GANC: variants seen among roughly 807,000 people sequenced by gnomAD.
GANC encodes the protein neutral alpha-glucosidase C.
GANC carries 117 observed loss-of-function variants against 124.2 expected under a neutral mutation model. The observed-to-expected ratio is 0.94, with a 90% confidence interval of 0.81 to 1.10. GANC has a LOEUF of 1.10. Among genes scored for constraint, GANC ranks in the 50% least tolerant of loss-of-function variants. The pLI is 0.00. For missense variants in GANC, 1,140 were observed against 1,095.0 expected, an observed-to-expected ratio of 1.04 and a Z score of -0.58; for synonymous variants, 377 against 376.8, an observed-to-expected ratio of 1.00 and a Z score of -0.01.
At chr15:42,349,695 T>G (rs1433408052) in intron 22 of GANC, among the ~76,000 whole-genome samples, 200 bp downstream of exon 22, 1 of 152,082 alleles carries the variant, frequency 6.6e-6, no homozygotes, top group Non-Finnish European at 1.5e-5. Flanking sequence ...TCGCTCAGAC[T>G]AGAGTGCAGT....
At chr15:42,293,137 C>T (rs1271558890) in intron 5 of GANC, among the ~76,000 whole-genome samples, 1 of 152,176 alleles carries the variant, frequency 6.6e-6, no homozygotes, top group Non-Finnish European at 1.5e-5. Context: ...CTTAACATGT[C>T]CTGTGTGTAA....
chr15:42,288,551 A>G (rs769696776), intron 4 of GANC, among the ~76,000 whole-genome samples: 8 of 152,162 alleles, frequency 5.3e-5, no homozygotes, highest in Non-Finnish European at 1.0e-4. Context: ...TATTTTTTCC[A>G]TGAAAATCTT....
chr15:42,296,249 C>G (rs540412530), intron 5 of GANC, among the ~76,000 whole-genome samples: 1 of 151,616 alleles, frequency 6.6e-6, no homozygotes, highest in South Asian at 2.1e-4. Context: ...TTTGAAATCT[C>G]TTCTGTCTGA....
At position 42,273,626 on chromosome 15, in the gene GANC, A is replaced by G; in HGVS notation, c.-856A>G. 1 of 659,354 alleles carries G rather than the reference A, an allele frequency of 1.5e-6. No homozygotes were observed. The highest frequency in any genetic ancestry group is 2.5e-6 in the Non-Finnish European group (1 of 399,428). 40.8% of individuals were successfully genotyped at this position (659,354 alleles called of 1,614,324 possible). A position where few individuals can be genotyped will look rare whatever the true frequency, so the allele number is the denominator to read the frequency against. The stretch of plus-strand genomic sequence containing the variant: ...GTTGGAACCTGGTCAGCTGGGTTAG[A>G]GAGATCGCTACATGCCAGCCTGGCC... On this transcript the variant is annotated 5_prime_UTR_variant, in exon 1 of 24. Coordinates refer to ENST00000318010, the MANE Select transcript of GANC (RefSeq NM_198141.3).
At position 42,280,378 on chromosome 15, in the gene GANC, C is replaced by T. The variant is rs1403304677; in HGVS notation, c.201+1788C>T. 3.9e-5 allele frequency among the ~76,000 whole-genome samples: 6 copies of T among 152,098 alleles called. No individual in the cohort carries two copies. In the East Asian group the frequency reaches 9.6e-4, roughly 24 times the overall value. ...ATGTTTTTTATATATCCTTTTGTAG[C>T]CTAGTTTGGTAACTGTTCATGGAGA... On this transcript the variant is annotated intron_variant, in intron 3 of 23. Transcript: ENST00000318010.
chr15:42,351,522 A>G (rs2052438116), intron 23 of GANC, 90 bp downstream of exon 23: 3 of 904,586 alleles, frequency 3.3e-6, no homozygotes, highest in Non-Finnish European at 5.4e-6. Flanking sequence ...CGGAGATAAT[A>G]TGCTGAGCCT....
intron 8 of GANC, 146 bp downstream of exon 8, chr15:42,308,464 T>A: frequency 1.8e-6 from 1 of 541,464 alleles, no homozygotes; most frequent in Non-Finnish European, 3.4e-6. Context: ...AGAACCCTCC[T>A]TGAATGATCA....
intron 10 of GANC, among the ~76,000 whole-genome samples, chr15:42,319,612 A>T (rs1428622326): frequency 6.6e-6 from 1 of 152,118 alleles, no homozygotes; most frequent in East Asian, 1.9e-4. Context: ...CTCCTGCCTT[A>T]GCCTTCCAAA....
intron 20 of GANC, among the ~76,000 whole-genome samples, chr15:42,347,300 G>C (rs1191464226): frequency 6.6e-6 from 1 of 152,102 alleles, no homozygotes; most frequent in African/African-American, 2.4e-5. Context: ...GAACTACTGA[G>C]TCCTCAGTCT....
At position 42,273,406 on chromosome 15, in the gene GANC, G is replaced by C. The variant is rs1414424787; in HGVS notation, c.-1076G>C. 6.2e-7 allele frequency: 1 copy of C among 1,613,650 alleles called. No individual in the cohort carries two copies. Among genetic ancestry groups the C allele is most frequent in the South Asian group, 1.1e-5 (1 of 91,088 alleles). On this transcript the variant is annotated 5_prime_UTR_variant, in exon 1 of 24. Transcript: ENST00000318010. ...CCACGCAGCCGCCGCCATCTTCACAGCCGTGGAGTGCCTACCGAAAGCATT... is the reference window on the plus strand; with the variant it reads ...CCACGCAGCCGCCGCCATCTTCACACCCGTGGAGTGCCTACCGAAAGCATT...
intron 6 of GANC, among the ~76,000 whole-genome samples, chr15:42,303,670 G>GAAAA (rs150074091): frequency 0.64 from 81,792 of 128,254 alleles, 28,201 homozygotes; most frequent in Non-Finnish European, 0.78. Flanking sequence ...TATTTACCAA[G>GAAAA]AAAAAAAAAA....
chr15:42,340,852 C>T (rs879031518), intron 18 of GANC, 98 bp downstream of exon 18: 8 of 904,746 alleles, frequency 8.8e-6, no homozygotes, highest in Non-Finnish European at 1.3e-5. Flanking sequence ...CTGCAACCTC[C>T]GCCTCCCGGT....
chr15:42,292,297 C>A (rs1384616113), intron 4 of GANC, among the ~76,000 whole-genome samples: 1 of 151,636 alleles, frequency 6.6e-6, no homozygotes, highest in Non-Finnish European at 1.5e-5. Flanking sequence ...AGATTTTACA[C>A]ACCAAAATCT....
intron 15 of GANC, among the ~76,000 whole-genome samples, chr15:42,332,207 G>A (rs1362953302): frequency 6.6e-6 from 1 of 152,060 alleles, no homozygotes; most frequent in Admixed American, 6.5e-5. Flanking sequence ...AAATAAGTGG[G>A]TAGATAGGCA....
intron 19 of GANC, chr15:42,344,901 A>G (rs750684687): frequency 6.6e-6 from 1 of 152,096 alleles, no homozygotes; most frequent in Non-Finnish European, 1.5e-5. Flanking sequence ...CATCATTCCA[A>G]ACACGTCGTT....
At chr15:42,344,046 T>A (rs1224854686) in intron 19 of GANC, among the ~76,000 whole-genome samples, 1 of 152,202 alleles carries the variant, frequency 6.6e-6, no homozygotes, top group Non-Finnish European at 1.5e-5. Flanking sequence ...CAGGCCACGC[T>A]TGCTGCTCAG....
At chr15:42,336,914 A>T (rs752839869) in intron 15 of GANC, among the ~76,000 whole-genome samples, 1 of 152,256 alleles carries the variant, frequency 6.6e-6, no homozygotes, top group Non-Finnish European at 1.5e-5. Flanking sequence ...AGAAAAAAGC[A>T]TATCAAAACC....
chr15:42,285,985 C>G (rs1027999446), intron 3 of GANC, among the ~76,000 whole-genome samples: 6 of 151,778 alleles, frequency 4.0e-5, no homozygotes, highest in African/African-American at 1.5e-4. Context: ...ACATACAGAT[C>G]AGTCTTTGGT....
intron 9 of GANC, 51 bp from the exon 10 acceptor site, chr15:42,310,642 G>A (rs769501296): frequency 6.3e-7 from 1 of 1,584,846 alleles, no homozygotes; most frequent in Non-Finnish European, 8.6e-7. Context: ...GTGGCTGGAT[G>A]TTGCAGGTTA....
Sources: allele counts gnomAD v4.1 joint callset (sites outside exome capture counted in the v4.1 genomes callset), GRCh38; gene constraint gnomAD v4.1.1; transcripts MANE v1.5; gene names NCBI Gene and HGNC (gene_info 2026-07-23, HGNC 2026-07-21).